NIN: variants seen among roughly 807,000 people sequenced by gnomAD.
The protein encoded by NIN is ninein.
In NIN, 137 loss-of-function variants were observed where a neutral mutation model predicts 257.6. The observed-to-expected ratio is 0.53, with a 90% CI of 0.46 to 0.61. The LOEUF (loss-of-function observed/expected upper bound fraction) is 0.61. NIN is among the 20% of genes least tolerant of loss of function. The pLI, the probability that NIN is intolerant of heterozygous loss-of-function variation, is 0.00. For missense variants in NIN, 2,439 were observed against 2,501.2 expected (o/e 0.98, Z 0.53); for synonymous variants, 918 against 919.8 (o/e 1.00, Z 0.04).
intron 4 of NIN, among the ~76,000 whole-genome samples, chr14:50,800,044 ACAC>A (rs1232334861): frequency 7.6e-6 from 1 of 131,694 alleles, no homozygotes; most frequent in African/African-American, 2.7e-5. Flanking sequence ...ACACACACAC[ACAC>A]AACTCCCAAG....
Position 50,739,415 on chromosome 14 carries a change from A to G in NIN, c.5521T>C (p.Leu1841=). 6.2e-7 allele frequency: 1 copy of G among 1,614,138 alleles called. No individual in the cohort carries two copies. The highest frequency in any genetic ancestry group is 8.5e-7 in the Non-Finnish European group (1 of 1,180,016). Residue 1841 remains leucine (L), a synonymous_variant, in exon 26 of 31, where the codon TTG becomes CTG. Transcript: ENST00000530997. ...TGTTCCTCATTCATCAGATGATCCA[A>G]CTTGTCCCAGGACAGCCTTTTCTGC... is the stretch of plus-strand genomic sequence containing the variant. The part of the protein sequence containing the change: ...NQQKRLSWDK[L]DHLMNEEQQL...
intron 4 of NIN, among the ~76,000 whole-genome samples, chr14:50,801,560 G>A (rs117497148): frequency 2.8e-4 from 42 of 152,272 alleles, no homozygotes; most frequent in Middle Eastern, 3.4e-3. Context: ...AGGGACTTCA[G>A]CCAGACTTCA....
At position 50,761,878 on chromosome 14, in the gene NIN, A is replaced by T. The variant is rs1258775786; in HGVS notation, c.1808T>A (p.Met603Lys). 3 of 1,614,054 alleles carry T rather than the reference A, an allele frequency of 1.9e-6. No homozygotes were observed. The highest frequency in any genetic ancestry group is 2.5e-6 in the Non-Finnish European group (3 of 1,180,026). Reference sequence around the variant, plus strand: ...AATGACCAGCTCTGCCTCAATGCTCATATTCAATGGATTGCATTCTTCAGA... The same window carrying T: ...AATGACCAGCTCTGCCTCAATGCTCTTATTCAATGGATTGCATTCTTCAGA... ...LGSEECNPLN[M>K]SIEAELVIEQ... Residue 603 changes from methionine (M) to lysine (K), a missense_variant, in exon 16 of 31, where the codon ATG becomes AAG. This residue lies in a region of NIN where 2,043 missense variants were observed against 2,050.2 expected (regional missense o/e 1.00). Coordinates refer to ENST00000530997, the MANE Select transcript of NIN (RefSeq NM_020921.4).
chr14:50,773,039 ATCT>A lies in NIN; in HGVS notation c.720_722del (p.Glu240del). 6.2e-7 allele frequency: 1 copy of A among 1,613,146 alleles called. No homozygotes were observed. On this transcript the variant is annotated inframe_deletion, in exon 8 of 31. Transcript: ENST00000530997. ...CATTTTTAAACAAACCATAGAAAAA[ATCT>A]TCTACACTCATTGTACCGTCAGGAT...
rs1431755310 is a variant in NIN, at chr14:50,732,292, C to T, written c.5878-2569G>A. The stretch of plus-strand genomic sequence containing the variant: ...CAGAGATTCTGATATAGAAACCTGT[C>T]CCTGCCCAGCCTGCCACCCGTTGCC... On this transcript the variant is annotated intron_variant, in intron 28 of 30. Transcript: ENST00000530997. Among the ~76,000 whole-genome samples the T allele has an allele frequency of 7.2e-5, 11 of 152,282 alleles. No individual in the cohort carries two copies. The East Asian group carries it at 2.1e-3, about 29-fold the overall frequency.
intron 4 of NIN, chr14:50,794,430 A>T (rs1429995378): frequency 1.1e-6 from 1 of 948,266 alleles, no homozygotes; most frequent in East Asian, 9.0e-5. Flanking sequence ...GCATATTTGA[A>T]GGTACCTTTT....
chr14:50,792,664 G>T, intron 5 of NIN, 48 bp downstream of exon 5: 1 of 1,606,944 alleles, frequency 6.2e-7, no homozygotes, highest in East Asian at 2.2e-5. Flanking sequence ...CACTGACGTG[G>T]GGCTCCACAC....
intron 3 of NIN, among the ~76,000 whole-genome samples, chr14:50,808,569 G>A (rs1033067406): frequency 5.9e-5 from 9 of 152,118 alleles, no homozygotes; most frequent in African/African-American, 2.2e-4. Flanking sequence ...CTGGAAAACT[G>A]GGGACATCTA....
rs1487717935 is a variant in NIN, at chr14:50,827,954, CTCAGGTTAGCT to C, written c.-22+2499_-22+2509del. On this transcript the variant is annotated intron_variant, in intron 2 of 30. Transcript: ENST00000530997. ...GTAGATTACCCAATCAAGTAGTTAA[CTCAGGTTAGCT>C]ACAGGAAAAAAAAAACAAAAAACAA... 6.7e-4 allele frequency among the ~76,000 whole-genome samples: 100 copies of C among 149,852 alleles called. No homozygotes were observed. In the Admixed American group the frequency reaches 6.8e-3, roughly 10 times the overall value.
chr14:50,742,935 ATAT>A (rs1218477761), intron 24 of NIN, among the ~76,000 whole-genome samples: 1 of 152,118 alleles, frequency 6.6e-6, no homozygotes. Flanking sequence ...AATGTTTGAA[ATAT>A]TATTTAAATC....
rs1244616698 is a variant in NIN, at chr14:50,787,236, C to T, written c.435+5476G>A. On this transcript the variant is annotated intron_variant, in intron 5 of 30. Coordinates refer to ENST00000530997, the MANE Select transcript of NIN (RefSeq NM_020921.4). ...GGAGGAAAACAGTTAACAAGGTGTA[C>T]CCTGTTTTCAACCAGGGCAGAAAGC... Among the ~76,000 whole-genome samples, 3 of 152,164 alleles carry T rather than the reference C, an allele frequency of 2.0e-5. No homozygotes were observed. The East Asian group carries it at 5.8e-4, about 29-fold the overall frequency.
At chr14:50,748,442 A>G (rs1406055216) in intron 21 of NIN, among the ~76,000 whole-genome samples, 2 of 152,222 alleles carry the variant, frequency 1.3e-5, no homozygotes, top group African/African-American at 4.8e-5. Flanking sequence ...CACCACTCCT[A>G]TTCAACATAG....
intron 3 of NIN, among the ~76,000 whole-genome samples, chr14:50,809,944 C>T (rs780872437): frequency 3.3e-5 from 5 of 152,172 alleles, no homozygotes; most frequent in Admixed American, 1.3e-4. Flanking sequence ...AGCCCAGGCA[C>T]TCATCCTGTA....
At position 50,748,028 on chromosome 14, in the gene NIN, G is replaced by A; in HGVS notation, c.5028C>T (p.Asn1676=). The A allele has an allele frequency of 6.2e-7, 1 of 1,613,850 alleles. No individual in the cohort carries two copies. The highest frequency in any genetic ancestry group is 1.3e-5 in the African/African-American group (1 of 75,014). The change falls in exon 22 of 31, where the codon AAC becomes AAT. Residue 1676 remains asparagine, a synonymous_variant. Transcript: ENST00000530997. ...TCTCCAGTTCATCTTTGAGAAGGTG[G>A]TTTTCCTGTTGCACAATATGGGTCT... The part of the protein sequence containing the change: ...KIQTHIVQQE[N]HLLKDELEKM...
At chr14:50,809,024 C>A (rs1441860295) in intron 3 of NIN, among the ~76,000 whole-genome samples, 1 of 152,096 alleles carries the variant, frequency 6.6e-6, no homozygotes, top group Non-Finnish European at 1.5e-5. Context: ...AGTTTGAGAC[C>A]CGCCTGGCCA....
Position 50,763,853 on chromosome 14 carries a change from T to C in NIN, c.1747A>G (p.Asn583Asp), listed in dbSNP as rs1394607591. ...KNSPSEEVEA[N>D]SGGIEPEHGL... ...TGTTCGGGCTCAATGCCACCGCTGT[T>C]AGCCTCAACTTCTTCTGACGGTGAG... is the stretch of plus-strand genomic sequence containing the variant. Residue 583 changes from asparagine (N) to aspartate (D), a missense_variant, in exon 15 of 31, where the codon AAC (asparagine) becomes GAC (aspartate). Asn to Asp is a conservative substitution (Grantham distance 23). This residue lies in a region of NIN where 2,043 missense variants were observed against 2,050.2 expected (regional missense o/e 1.00). Transcript: ENST00000530997. 3 of 1,614,016 alleles carry C rather than the reference T, an allele frequency of 1.9e-6. No homozygotes were observed. The highest frequency in any genetic ancestry group is 4.5e-5 in the East Asian group (2 of 44,872).
intron 7 of NIN, among the ~76,000 whole-genome samples, chr14:50,776,726 C>T (rs1306562129): frequency 6.6e-6 from 1 of 152,200 alleles, no homozygotes; most frequent in East Asian, 1.9e-4. Context: ...CTGCCTAGCA[C>T]AGTGAGCTTA....
chr14:50,826,599 G>C (rs1201313684), intron 2 of NIN, among the ~76,000 whole-genome samples: 1 of 152,176 alleles, frequency 6.6e-6, no homozygotes, highest in African/African-American at 2.4e-5. Context: ...TGGACATGTG[G>C]ATTTATGAAC....
intron 3 of NIN, among the ~76,000 whole-genome samples, chr14:50,815,242 G>C (rs1280601893): frequency 6.6e-6 from 1 of 152,148 alleles, no homozygotes; most frequent in East Asian, 1.9e-4. Context: ...GACATGAACA[G>C]GCACTTCTCA....
Sources: allele counts gnomAD v4.1 joint callset (sites outside exome capture counted in the v4.1 genomes callset), GRCh38; gene constraint gnomAD v4.1.1; regional missense constraint gnomAD v4.1.1; transcripts MANE v1.5; gene names NCBI Gene and HGNC (gene_info 2026-07-23, HGNC 2026-07-21).